FAF1: variants seen among roughly 807,000 people sequenced by gnomAD.
FAF1 encodes the protein Fas associated factor 1, also known as FAS-associated factor 1.
A neutral mutation model predicts 92.5 loss-of-function variants in FAF1; 25 were observed. The ratio of observed to expected loss-of-function variants is 0.27; its 90% CI spans 0.20 to 0.38. The LOEUF (loss-of-function observed/expected upper bound fraction) is 0.38. FAF1 is among the 10% of genes least tolerant of loss of function. FAF1 has a pLI of 1.00. For synonymous variants in FAF1, 234 were observed against 273.2 expected, an observed-to-expected ratio of 0.86 and a Z score of 1.42; for missense variants, 636 against 793.3, an observed-to-expected ratio of 0.80 and a Z score of 2.38.
At chr1:50,800,666 T>C (rs1210232243) in intron 3 of FAF1, among the ~76,000 whole-genome samples, 1 of 152,204 alleles carries the variant, frequency 6.6e-6, no homozygotes, top group Admixed American at 6.5e-5. Flanking sequence ...CAAACAAATT[T>C]TGCTTCCATC....
intron 8 of FAF1, among the ~76,000 whole-genome samples, chr1:50,640,634 T>C (rs956260591): frequency 6.6e-6 from 1 of 152,084 alleles, no homozygotes; most frequent in Non-Finnish European, 1.5e-5. Context: ...ATTTGGTAAT[T>C]TTAACCTTTC....
chr1:50,541,476 C>A (rs552029721), intron 13 of FAF1, among the ~76,000 whole-genome samples: 2 of 151,994 alleles, frequency 1.3e-5, no homozygotes, highest in Non-Finnish European at 2.9e-5. Flanking sequence ...ATGTATAGAT[C>A]GTGAGATTAG....
chr1:50,557,349 A>G (rs746877206), intron 13 of FAF1, among the ~76,000 whole-genome samples: 1 of 152,224 alleles, frequency 6.6e-6, no homozygotes, highest in Non-Finnish European at 1.5e-5. Flanking sequence ...TCTGTTTTGA[A>G]TAATACAAAA....
chr1:50,781,931 G>A lies in FAF1; in HGVS notation c.367+6069C>T, dbSNP rs754429065. 2.6e-5 allele frequency among the ~76,000 whole-genome samples: 4 copies of A among 152,068 alleles called. No homozygotes were observed. In the South Asian group the frequency reaches 8.3e-4, roughly 32 times the overall value. ...TGACCACATATATTATACCAAGGTG[G>A]TCCTGAGCTGAATAACTCCTATCAT... On this transcript the variant is annotated intron_variant, in intron 4 of 18. Transcript: ENST00000396153.
intron 7 of FAF1, among the ~76,000 whole-genome samples, chr1:50,657,292 A>C (rs772197694): frequency 4.6e-5 from 7 of 151,626 alleles, no homozygotes; most frequent in Non-Finnish European, 8.9e-5. Context: ...AACGAATCAT[A>C]ATAATGGAGA....
At chr1:50,592,992 A>G (rs1231641459) in intron 9 of FAF1, among the ~76,000 whole-genome samples, 1 of 152,126 alleles carries the variant, frequency 6.6e-6, no homozygotes, top group African/African-American at 2.4e-5. Context: ...AAAGTCATGT[A>G]GGAGTAGAAC....
intron 6 of FAF1, among the ~76,000 whole-genome samples, chr1:50,717,094 G>A (rs759994130): frequency 3.3e-5 from 5 of 152,292 alleles, no homozygotes; most frequent in East Asian, 1.9e-4. Context: ...AACACTCACC[G>A]CGAAGGTCCG....
chr1:50,493,393 A>AT (rs892198086), intron 15 of FAF1, among the ~76,000 whole-genome samples: 6 of 152,170 alleles, frequency 3.9e-5, no homozygotes, highest in Non-Finnish European at 7.3e-5. Context: ...TCAAATTTAG[A>AT]TATCTCTTGA....
At position 50,666,313 on chromosome 1, in the gene FAF1, T is replaced by C. The variant is rs369124654; in HGVS notation, c.658-10785A>G. On this transcript the variant is annotated intron_variant, in intron 7 of 18. Transcript: ENST00000396153. Reference sequence around the variant, plus strand: ...CTGCAGCCTGGATCTCCTGGGCTGATAAGATCCTCCCAACTCAGCCTTCTG... The same window carrying C: ...CTGCAGCCTGGATCTCCTGGGCTGACAAGATCCTCCCAACTCAGCCTTCTG... Among the ~76,000 whole-genome samples, 70 of 152,182 alleles carry C rather than the reference T, an allele frequency of 4.6e-4. 1 individual carries two copies. The South Asian group carries it at 7.9e-3, about 17-fold the overall frequency.
At chr1:50,552,951 T>C (rs933491106) in intron 13 of FAF1, among the ~76,000 whole-genome samples, 1 of 152,174 alleles carries the variant, frequency 6.6e-6, no homozygotes, top group Non-Finnish European at 1.5e-5. Context: ...GAAAAGACAG[T>C]GTGATTTTCT....
intron 6 of FAF1, among the ~76,000 whole-genome samples, chr1:50,738,388 A>G (rs1483695164): frequency 6.7e-6 from 1 of 148,806 alleles, no homozygotes; most frequent in African/African-American, 2.5e-5. Context: ...GGTTGCGGTG[A>G]GCCAAGATCG....
intron 2 of FAF1, among the ~76,000 whole-genome samples, chr1:50,831,313 C>T (rs1378633469): frequency 2.0e-5 from 3 of 152,140 alleles, no homozygotes; most frequent in Admixed American, 1.3e-4. Context: ...TTGATATTAG[C>T]TTTTTCAGCA....
Position 50,705,648 on chromosome 1 carries a change from TC to T in FAF1, c.657+137del. 5 of 541,746 alleles carry T rather than the reference TC, an allele frequency of 9.2e-6. No homozygotes were observed. In the South Asian group the frequency reaches 1.5e-4, roughly 16 times the overall value. 33.6% of individuals were successfully genotyped at this position (541,746 alleles called of 1,614,324 possible). A position where few individuals can be genotyped will look rare whatever the true frequency, so the allele number is the denominator to read the frequency against. On this transcript the variant is annotated intron_variant, in intron 7 of 18. Transcript: ENST00000396153. Reference sequence around the variant, plus strand: ...GTATATCTACAGTAATCATTGATGCTCCAGTTAATTAAAATTTAAGAACCCA... The same window carrying T: ...GTATATCTACAGTAATCATTGATGCTCAGTTAATTAAAATTTAAGAACCCA...
chr1:50,884,777 C>T (rs1199140069), intron 1 of FAF1, among the ~76,000 whole-genome samples: 3 of 151,876 alleles, frequency 2.0e-5, no homozygotes, highest in Admixed American at 2.0e-4. Flanking sequence ...CAGGGTAATA[C>T]TGGCCTTGTA....
At chr1:50,729,030 C>CTATA (rs1324027260) in intron 6 of FAF1, among the ~76,000 whole-genome samples, 79 of 74,470 alleles carry the variant, frequency 1.1e-3, no homozygotes, top group East Asian at 7.8e-3. Context: ...ATCTATCTAT[C>CTATA]TATCTATATA....
intron 7 of FAF1, among the ~76,000 whole-genome samples, chr1:50,702,528 G>A (rs1055057647): frequency 3.4e-4 from 51 of 151,930 alleles, no homozygotes; most frequent in African/African-American, 1.2e-3. Context: ...AAGATTTTTC[G>A]TCTTTAAGAC....
chr1:50,839,199 G>C (rs1644236955), intron 2 of FAF1, among the ~76,000 whole-genome samples: 1 of 152,016 alleles, frequency 6.6e-6, no homozygotes, highest in African/African-American at 2.4e-5. Flanking sequence ...AAAAAAAGGA[G>C]TTCATTTCAT....
chr1:50,528,343 T>C (rs1042106568), intron 15 of FAF1, among the ~76,000 whole-genome samples: 2 of 152,206 alleles, frequency 1.3e-5, no homozygotes, highest in Admixed American at 6.5e-5. Context: ...TTTAGTGATA[T>C]TATTTTTCTT....
intron 1 of FAF1, among the ~76,000 whole-genome samples, chr1:50,958,885 A>T (rs1405299805): frequency 6.6e-6 from 1 of 152,334 alleles, no homozygotes; most frequent in East Asian, 1.9e-4. Context: ...GGCCAAAAAT[A>T]TCTCACTAAA....
Sources: allele counts gnomAD v4.1 joint callset (sites outside exome capture counted in the v4.1 genomes callset), GRCh38; gene constraint gnomAD v4.1.1; transcripts MANE v1.5; gene names NCBI Gene and HGNC (gene_info 2026-07-23, HGNC 2026-07-21).